Variants in AK2 observed in about 807,000 individuals in gnomAD.
The protein encoded by AK2 is adenylate kinase 2, also known as adenylate kinase 2, mitochondrial.
Under a neutral mutation model 24.6 loss-of-function variants are expected in AK2, and 15 were observed. The ratio of observed to expected loss-of-function variants is 0.61; its 90% CI spans 0.41 to 0.94. AK2 has a LOEUF of 0.94. Ranked by LOEUF, AK2 falls within the 40% of genes least tolerant of loss-of-function variation. The pLI, the probability that AK2 is intolerant of heterozygous loss-of-function variation, is 0.00. For synonymous variants in AK2, 102 were observed against 114.0 expected (o/e 0.90, Z 0.67); for missense variants, 257 against 304.1 (o/e 0.85, Z 1.15).
chr1:33,019,245 T>C (rs371214475), intron 4 of AK2, among the ~76,000 whole-genome samples: 4 of 152,312 alleles, frequency 2.6e-5, no homozygotes, highest in African/African-American at 9.6e-5. Flanking sequence ...AGGTCAGAGA[T>C]GGGCATCACT....
chr1:33,024,149 C>T (rs546182783), intron 2 of AK2: 17 of 363,406 alleles, frequency 4.7e-5, no homozygotes, highest in South Asian at 1.1e-4. Flanking sequence ...CCAGCCTGGG[C>T]GACAGAGCGA....
Position 33,012,767 on chromosome 1 carries a change from T to G in AK2, c.*414A>C, listed in dbSNP as rs764584360. 6 of 948,662 alleles carry G rather than the reference T, an allele frequency of 6.3e-6. No homozygotes were observed. The highest frequency in any genetic ancestry group is 1.7e-5 in the African/African-American group (1 of 59,044). The allele number at this position is 948,662 out of a possible 1,614,324, so 58.8% of individuals were successfully genotyped here. A position where few individuals can be genotyped will look rare whatever the true frequency, so the allele number is the denominator to read the frequency against. ...CAAATATCAGCCAGGTGTTGTGGCA[T>G]GCACCTGTAGTCCCAGCTGCTCAGG... On this transcript the variant is annotated 3_prime_UTR_variant, in exon 6 of 6. Transcript: ENST00000672715.
intron 2 of AK2, 118 bp downstream of exon 2, chr1:33,024,324 G>C (rs1422354568): frequency 7.1e-7 from 1 of 1,416,446 alleles, no homozygotes. Context: ...CTGAGGAACT[G>C]ATTTTTACAT....
intron 1 of AK2, among the ~76,000 whole-genome samples, chr1:33,026,676 C>T (rs189266480): frequency 1.9e-3 from 286 of 151,566 alleles, no homozygotes; most frequent in Non-Finnish European, 3.0e-3. Context: ...GGCATGGTGG[C>T]GCATGCCTGT....
intron 2 of AK2, chr1:33,024,226 C>T (rs1262789324): frequency 3.1e-6 from 2 of 645,196 alleles, no homozygotes; most frequent in Non-Finnish European, 5.4e-6. Flanking sequence ...CACCCTCTAG[C>T]ACATGGTTGT....
chr1:33,027,715 C>T (rs1039505875), intron 1 of AK2, among the ~76,000 whole-genome samples: 13 of 150,414 alleles, frequency 8.6e-5, no homozygotes, highest in Non-Finnish European at 1.2e-4. Context: ...CCACTGTACT[C>T]CAGCCTGGGT....
At chr1:33,017,238 CG>C (rs1639247285) in intron 4 of AK2, among the ~76,000 whole-genome samples, 1 of 151,976 alleles carries the variant, frequency 6.6e-6, no homozygotes, top group African/African-American at 2.4e-5. Context: ...TGCTTGAATC[CG>C]TAGATGAGGG....
chr1:33,016,788 C>T (rs1639217669), intron 4 of AK2, among the ~76,000 whole-genome samples: 2 of 151,736 alleles, frequency 1.3e-5, no homozygotes, highest in Admixed American at 1.3e-4. Context: ...TCACTGCAAC[C>T]TCTGCCTCCC....
At chr1:33,030,133 C>A (rs540881918) in intron 1 of AK2, among the ~76,000 whole-genome samples, 1 of 152,394 alleles carries the variant, frequency 6.6e-6, no homozygotes, top group East Asian at 1.9e-4. Context: ...ACTGCTCTTA[C>A]GCATGGTTCC....
At chr1:33,020,230 A>ACACAG in intron 4 of AK2, 1 of 690,746 alleles carries the variant, frequency 1.4e-6, no homozygotes, top group Non-Finnish European at 2.1e-6. Flanking sequence ...CACACACACA[A>ACACAG]AGTGGCTGTA....
chr1:33,021,466 A>G lies in AK2; in HGVS notation c.331-5T>C. On this transcript the variant is annotated splice_region_variant and splice_polypyrimidine_tract_variant and intron_variant, in intron 3 of 5. Coordinates refer to ENST00000672715, the MANE Select transcript of AK2 (RefSeq NM_001625.4). Reference sequence around the variant, plus strand: ...CTTCTCCATGAGGTCATCGAGCTGTAAAAGAATGTGTGGCCCACCTAAGCT... The same window carrying G: ...CTTCTCCATGAGGTCATCGAGCTGTGAAAGAATGTGTGGCCCACCTAAGCT... 2 of 1,613,982 alleles carry G rather than the reference A, an allele frequency of 1.2e-6. No individual in the cohort carries two copies. Among genetic ancestry groups the G allele is most frequent in the Non-Finnish European group, 1.7e-6 (2 of 1,179,820 alleles).
At chr1:33,033,380 G>A (rs76931189) in intron 1 of AK2, among the ~76,000 whole-genome samples, 2,358 of 152,176 alleles carry the variant, frequency 0.015, 53 homozygotes, top group African/African-American at 0.054. Context: ...AGTTAGCCAG[G>A]CATGGTGGCA....
rs1188621279 is a variant in AK2, at chr1:33,012,431, C to T, written c.*750G>A. The T allele has an allele frequency of 6.8e-7, 1 of 1,462,912 alleles. No homozygotes were observed. The highest frequency in any genetic ancestry group is 9.1e-7 in the Non-Finnish European group (1 of 1,102,808). The allele number at this position is 1,462,912 out of a possible 1,614,324, so 90.6% of individuals were successfully genotyped here. A position where few individuals can be genotyped will look rare whatever the true frequency, so the allele number is the denominator to read the frequency against. ...AGAAAACAAAATGGAATTCTCTGTC[C>T]ATAATGTGCCATCAGGAACTGTGAC... is the stretch of plus-strand genomic sequence containing the variant. On this transcript the variant is annotated 3_prime_UTR_variant, in exon 6 of 6. Transcript: ENST00000672715.
Position 33,008,201 on chromosome 1 carries a change from T to C in AK2, c.*4980A>G. ...TGTGTCCTGGGCAGTCCAACCCACA[T>C]GAGTATCTTGGTCACTAGTGTCATC... is the stretch of plus-strand genomic sequence containing the variant. On this transcript the variant is annotated 3_prime_UTR_variant, in exon 6 of 6. Coordinates refer to ENST00000672715, the MANE Select transcript of AK2 (RefSeq NM_001625.4). The C allele has an allele frequency of 2.2e-6, 1 of 454,336 alleles. No individual in the cohort carries two copies. 28.1% of individuals were successfully genotyped at this position (454,336 alleles called of 1,614,324 possible).
intron 4 of AK2, chr1:33,019,822 T>C (rs1178216148): frequency 8.7e-7 from 1 of 1,151,434 alleles, no homozygotes; most frequent in Non-Finnish European, 1.1e-6. Flanking sequence ...GGAAGAAACA[T>C]AAATGTACAA....
At chr1:33,019,487 G>C (rs1169607410) in intron 4 of AK2, among the ~76,000 whole-genome samples, 2 of 152,096 alleles carry the variant, frequency 1.3e-5, no homozygotes, top group South Asian at 2.1e-4. Flanking sequence ...TGCCCAGTGG[G>C]GATACAAAGA....
Position 33,036,738 on chromosome 1 carries a change from G to A in AK2, c.91C>T (p.Gln31Ter). The A allele has an allele frequency of 6.3e-7, 1 of 1,585,248 alleles. No homozygotes were observed. The highest frequency in any genetic ancestry group is 8.6e-7 in the Non-Finnish European group (1 of 1,165,278). ...LGPPGAGKGT[Q>*]APRLAENFCV... ...CCAAGCCCAGTCCTGCCGCTCACCT[G>A]GGTCCCTTTACCGGCCCCGGGAGGC... Residue 31 changes from glutamine to a stop codon, truncating the protein, a stop_gained and splice_region_variant, in exon 1 of 6, where the codon CAG (glutamine) becomes TAG (stop). Transcript: ENST00000672715. LOFTEE classifies it high-confidence loss of function.
rs1638996507 is a variant in AK2 at position 33,013,711 on chromosome 1, T to C, written c.499-309A>G. Among the ~76,000 whole-genome samples, 5 of 152,166 alleles carry C rather than the reference T, an allele frequency of 3.3e-5. 1 individual carries two copies. On this transcript the variant is annotated intron_variant, in intron 5 of 5. Transcript: ENST00000672715. The stretch of plus-strand genomic sequence containing the variant: ...TGCTCAGGCGATTCAGCTTCCAAGA[T>C]AAACACTTCTAGGGTCAAAAGTAAG...
Position 33,024,582 on chromosome 1 carries a change from A to C in AK2, c.94-15T>G. 6.2e-7 allele frequency: 1 copy of C among 1,614,166 alleles called. No homozygotes were observed. The highest frequency in any genetic ancestry group is 8.5e-7 in the Non-Finnish European group (1 of 1,179,996). ...AATCTGGGTGCCTACAGAGAGGAAG[A>C]CAAAAACCAAGATTCAATTACATTA... On this transcript the variant is annotated splice_polypyrimidine_tract_variant and intron_variant, in intron 1 of 5. Transcript: ENST00000672715.
Sources: gnomAD v4.1 joint callset for allele counts (sites outside exome capture counted in the v4.1 genomes callset) on GRCh38, gnomAD v4.1.1 for gene constraint, MANE v1.5 for transcripts, NCBI Gene and HGNC (gene_info 2026-07-23, HGNC 2026-07-21) for gene names.